Variants in MAP2K6 observed in about 807,000 individuals in gnomAD.
MAP2K6 encodes the protein dual specificity mitogen-activated protein kinase kinase 6.
A neutral mutation model predicts 53.7 loss-of-function variants in MAP2K6; 16 were observed. The ratio of observed to expected loss-of-function variants is 0.30; its 90% CI spans 0.20 to 0.45. The LOEUF is 0.45. Among genes scored for constraint, MAP2K6 ranks in the 20% least tolerant of loss-of-function variants. MAP2K6 has a pLI of 1.00. For missense variants in MAP2K6, 204 were observed against 411.9 expected (o/e 0.50, Z 4.37); for synonymous variants, 132 against 143.1 (o/e 0.92, Z 0.55).
In MAP2K6 at chr17:69,546,223, G is replaced by C. The variant is rs1424667988; in HGVS notation, c.*4470G>C. The C allele has an allele frequency of 2.0e-5, 3 of 152,084 alleles. No individual in the cohort carries two copies. The highest frequency in any genetic ancestry group is 7.2e-5 in the African/African-American group (3 of 41,402). The allele number at this position is 152,084 out of a possible 1,614,324, so 9.4% of individuals were successfully genotyped here. A position where few individuals can be genotyped will look rare whatever the true frequency, so the allele number is the denominator to read the frequency against. On this transcript the variant is annotated 3_prime_UTR_variant, in exon 12 of 12. Coordinates refer to ENST00000590474, the MANE Select transcript of MAP2K6 (RefSeq NM_002758.4). ...TTCACTCTTTGTTTTGTTATTATTA[G>C]TATTCTTCTTGCTTGCCATTGGCTA... is the stretch of plus-strand genomic sequence containing the variant.
At chr17:69,477,047 T>A (rs1908175742) in intron 1 of MAP2K6, 2 of 152,306 alleles carry the variant, frequency 1.3e-5, no homozygotes, top group African/African-American at 4.8e-5. Context: ...CAGGGCAGAT[T>A]GTACCAGAGC....
intron 1 of MAP2K6, among the ~76,000 whole-genome samples, chr17:69,431,928 A>G (rs1256690109): frequency 6.6e-6 from 1 of 152,218 alleles, no homozygotes; most frequent in African/African-American, 2.4e-5. Context: ...AAATGGGATA[A>G]TGTGATGAGG....
intron 1 of MAP2K6, among the ~76,000 whole-genome samples, chr17:69,416,022 G>A (rs2034100): frequency 0.38 from 58,492 of 151,990 alleles, 11,787 homozygotes; most frequent in Middle Eastern, 0.46. Context: ...GGGACCCCAA[G>A]TCACTTGTTT....
chr17:69,495,093 C>CAAAAAAAAAAA, intron 1 of MAP2K6, among the ~76,000 whole-genome samples: 1 of 106,576 alleles, frequency 9.4e-6, no homozygotes. Context: ...TCCATTACTT[C>CAAAAAAAAAAA]CACATAAAAA....
intron 1 of MAP2K6, among the ~76,000 whole-genome samples, chr17:69,429,972 G>A (rs1265413593): frequency 6.6e-6 from 1 of 152,182 alleles, no homozygotes; most frequent in Non-Finnish European, 1.5e-5. Flanking sequence ...GAACAGGTGA[G>A]CAGCAGAGGC....
At chr17:69,440,730 G>GGTTTT (rs1050679426) in intron 1 of MAP2K6, among the ~76,000 whole-genome samples, 3 of 151,078 alleles carry the variant, frequency 2.0e-5, no homozygotes, top group African/African-American at 7.3e-5. Context: ...TGGGTTGACA[G>GGTTTT]GTTTTGTTTT....
Position 69,553,262 on chromosome 17 carries a change from C to G in MAP2K6, c.*11509C>G, listed in dbSNP as rs1175636358. On this transcript the variant is annotated 3_prime_UTR_variant, in exon 12 of 12. Coordinates refer to ENST00000590474, the MANE Select transcript of MAP2K6 (RefSeq NM_002758.4). ...CCCATCACATCTAGTAAAAAACAACCTTTTCATTTCCCTCCTTTCTAATCC... is the reference window on the plus strand; with the variant it reads ...CCCATCACATCTAGTAAAAAACAACGTTTTCATTTCCCTCCTTTCTAATCC... The G allele has an allele frequency of 6.6e-6, 1 of 152,144 alleles. No homozygotes were observed. The highest frequency in any genetic ancestry group is 1.9e-4 in the East Asian group (1 of 5,192). 9.4% of individuals were successfully genotyped at this position (152,144 alleles called of 1,614,324 possible).
At chr17:69,437,979 C>G (rs985841055) in intron 1 of MAP2K6, among the ~76,000 whole-genome samples, 2 of 152,294 alleles carry the variant, frequency 1.3e-5, no homozygotes, top group Admixed American at 6.5e-5. Context: ...CTTTATATTT[C>G]CTATGAAAAC....
At chr17:69,415,810 TG>T (rs1905881021) in intron 1 of MAP2K6, among the ~76,000 whole-genome samples, 1 of 152,250 alleles carries the variant, frequency 6.6e-6, no homozygotes, top group Non-Finnish European at 1.5e-5. Context: ...ATTTTAAGTG[TG>T]TAACTGCGTG....
At chr17:69,445,396 C>T (rs1906939366) in intron 1 of MAP2K6, among the ~76,000 whole-genome samples, 1 of 152,234 alleles carries the variant, frequency 6.6e-6, no homozygotes, top group African/African-American at 2.4e-5. Context: ...TAAGCTAATT[C>T]TGGTTCATTT....
At chr17:69,466,393 A>G (rs536736907) in intron 1 of MAP2K6, among the ~76,000 whole-genome samples, 10 of 152,216 alleles carry the variant, frequency 6.6e-5, no homozygotes, top group Middle Eastern at 3.4e-3. Context: ...ATGGAAAAGC[A>G]TATTGTAAAT....
intron 1 of MAP2K6, among the ~76,000 whole-genome samples, chr17:69,427,586 C>T (rs552360529): frequency 6.6e-6 from 1 of 152,312 alleles, no homozygotes; most frequent in African/African-American, 2.4e-5. Flanking sequence ...ATTTAATCAC[C>T]TTCTTTCCCT....
intron 1 of MAP2K6, among the ~76,000 whole-genome samples, chr17:69,439,947 T>C (rs1906763742): frequency 1.3e-5 from 2 of 152,226 alleles, no homozygotes; most frequent in Admixed American, 6.5e-5. Context: ...AAGTTGCTAC[T>C]ATTATTACCA....
intron 8 of MAP2K6, among the ~76,000 whole-genome samples, chr17:69,523,928 G>A (rs1231577660): frequency 6.6e-6 from 1 of 152,156 alleles, no homozygotes; most frequent in African/African-American, 2.4e-5. Flanking sequence ...AATCCAAGAT[G>A]AAGGCACCAG....
chr17:69,500,968 C>T (rs75582728), intron 1 of MAP2K6, among the ~76,000 whole-genome samples: 4 of 152,244 alleles, frequency 2.6e-5, no homozygotes, highest in East Asian at 1.9e-4. Context: ...TGCCCTGCTT[C>T]GTTCGTTGCT....
At chr17:69,456,322 G>A (rs1460708552) in intron 1 of MAP2K6, among the ~76,000 whole-genome samples, 2 of 152,178 alleles carry the variant, frequency 1.3e-5, no homozygotes, top group Admixed American at 6.5e-5. Context: ...GTCTTGAGAT[G>A]TCTCTTCTGT....
intron 1 of MAP2K6, among the ~76,000 whole-genome samples, chr17:69,472,478 C>T (rs147989228): frequency 1.4e-4 from 22 of 152,152 alleles, no homozygotes; most frequent in African/African-American, 4.6e-4. Flanking sequence ...GCAAGGGTAA[C>T]CTCTGGGCAC....
At chr17:69,483,349 T>G (rs1395738464) in intron 1 of MAP2K6, among the ~76,000 whole-genome samples, 1 of 152,062 alleles carries the variant, frequency 6.6e-6, no homozygotes, top group Admixed American at 6.6e-5. Context: ...AATAATTTCC[T>G]TTATAATATC....
intron 1 of MAP2K6, among the ~76,000 whole-genome samples, chr17:69,449,567 T>G (rs1482705135): frequency 1.1e-3 from 128 of 113,468 alleles, no homozygotes; most frequent in African/African-American, 5.9e-3. Flanking sequence ...CTTTATTTCT[T>G]TCTTTCTTTC....
Sources: allele counts gnomAD v4.1 joint callset (sites outside exome capture counted in the v4.1 genomes callset), GRCh38; gene constraint gnomAD v4.1.1; transcripts MANE v1.5; gene names NCBI Gene and HGNC (gene_info 2026-07-23, HGNC 2026-07-21).